The following COBLL1 variants were observed in gnomAD, a reference collection of about 807,000 sequenced individuals.
The protein encoded by COBLL1 is cordon-bleu WH2 repeat protein like 1.
In COBLL1, 50 loss-of-function variants were observed where a neutral mutation model predicts 94.8. The ratio of observed to expected loss-of-function variants is 0.53; its 90% confidence interval spans 0.42 to 0.67. The LOEUF (loss-of-function observed/expected upper bound fraction) is 0.67. Ranked by LOEUF, COBLL1 falls within the 30% of genes least tolerant of loss-of-function variation. COBLL1 has a pLI of 0.00. For missense variants in COBLL1, 1,362 were observed against 1,348.7 expected, an observed-to-expected ratio of 1.01 and a Z score of -0.15; for synonymous variants, 448 against 473.8, an observed-to-expected ratio of 0.95 and a Z score of 0.71.
At chr2:164,733,204 T>C (rs77960253) in intron 3 of COBLL1, among the ~76,000 whole-genome samples, 3,699 of 152,376 alleles carry the variant, frequency 0.024, 64 homozygotes, top group East Asian at 0.051. Flanking sequence ...AAGAACAATT[T>C]GATTCCTTGT....
intron 2 of COBLL1, among the ~76,000 whole-genome samples, chr2:164,752,391 A>C (rs1315057087): frequency 6.6e-6 from 1 of 151,276 alleles, no homozygotes; most frequent in African/African-American, 2.4e-5. Context: ...ACATTACATC[A>C]TTTCTTTGAG....
chr2:164,658,912 T>G (rs1558899702), intron 2 of COBLL1, among the ~76,000 whole-genome samples: 1 of 152,138 alleles, frequency 6.6e-6, no homozygotes, highest in Non-Finnish European at 1.5e-5. Context: ...GTGGCTCTTT[T>G]GGCTTCAATA....
At chr2:164,773,715 C>A in intron 2 of COBLL1, 1 of 1,278,222 alleles carries the variant, frequency 7.8e-7, no homozygotes, top group Admixed American at 2.4e-5. Flanking sequence ...ACAACTGTTC[C>A]AGAAAGTCTC....
Position 164,681,339 on chromosome 2 carries a change from G to A in COBLL1, c.*4607C>T, listed in dbSNP as rs1457098142. 1 of 152,102 alleles carries A rather than the reference G, an allele frequency of 6.6e-6. No individual in the cohort carries two copies. The highest frequency in any genetic ancestry group is 1.5e-5 in the Non-Finnish European group (1 of 68,030). 9.4% of individuals were successfully genotyped at this position (152,102 alleles called of 1,614,324 possible). On this transcript the variant is annotated 3_prime_UTR_variant, in exon 14 of 14. Transcript: ENST00000652658. ...ATCCTTTTCTTAGGACCATTCAGCT[G>A]TTTCAGAGATGTCTTTCTCACAGCA...
intron 9 of COBLL1, among the ~76,000 whole-genome samples, chr2:164,703,837 T>C (rs1684444483): frequency 6.6e-6 from 1 of 152,204 alleles, no homozygotes; most frequent in Non-Finnish European, 1.5e-5. Flanking sequence ...CTCTAAAGAT[T>C]AAAACATTTT....
chr2:164,700,648 G>T lies in COBLL1; in HGVS notation c.1334C>A (p.Pro445His), dbSNP rs1344096983. The T allele has an allele frequency of 6.2e-7, 1 of 1,612,884 alleles. No homozygotes were observed. The highest frequency in any genetic ancestry group is 1.7e-5 in the Admixed American group (1 of 60,008). Reference protein sequence around the residue: ...ENISPKSQDIPFVSTDIINTL... With the variant: ...ENISPKSQDIHFVSTDIINTL... The stretch of plus-strand genomic sequence containing the variant: ...ATTTATTATATCAGTAGATACAAAA[G>T]GAATATCTTGTGACTTCGGAGAAAT... The change falls in exon 10 of 14, where the codon CCT (proline) becomes CAT (histidine). Residue 445 changes from proline (P) to histidine (H), a missense_variant. Pro to His is a moderately conservative substitution (Grantham distance 77). Coordinates refer to ENST00000652658, the MANE Select transcript of COBLL1 (RefSeq NM_001365672.2).
chr2:164,773,036 A>G (rs762673650), intron 2 of COBLL1, among the ~76,000 whole-genome samples: 20 of 91,756 alleles, frequency 2.2e-4, no homozygotes, highest in Non-Finnish European at 4.1e-4. Context: ...TTATTTTTTA[A>G]TTTAATGCAG....
chr2:164,734,563 T>C (rs1686198342), intron 3 of COBLL1, among the ~76,000 whole-genome samples: 1 of 152,186 alleles, frequency 6.6e-6, no homozygotes, highest in African/African-American at 2.4e-5. Flanking sequence ...GTATTCAAAA[T>C]AGCCTGGAGG....
rs1685796040 is a variant in COBLL1, at chr2:164,727,964, C to T, written c.661+5G>A. ...CTAAATAAATAAAATAAAAGTCTTA[C>T]TTACCTCTGTTGACATCCATCGCAT... On this transcript the variant is annotated splice_donor_5th_base_variant and intron_variant, in intron 5 of 13. Transcript: ENST00000652658. 2.6e-6 allele frequency: 4 copies of T among 1,565,254 alleles called. No individual in the cohort carries two copies. Among genetic ancestry groups the T allele is most frequent in the African/African-American group, 2.7e-5 (2 of 73,806 alleles).
intron 4 of COBLL1, among the ~76,000 whole-genome samples, chr2:164,728,695 GCAGACTTC>G (rs1685838225): frequency 6.6e-6 from 1 of 151,920 alleles, no homozygotes; most frequent in African/African-American, 2.4e-5. Context: ...GAAAAGCTTA[GCAGACTTC>G]CTGGCACATA....
In COBLL1 at chr2:164,841,318, C is replaced by A; in HGVS notation, c.-50-72G>T. 8.3e-7 allele frequency: 1 copy of A among 1,210,422 alleles called. No homozygotes were observed. The highest frequency in any genetic ancestry group is 1.6e-5 in the African/African-American group (1 of 63,526). The allele number at this position is 1,210,422 out of a possible 1,614,324, so 75.0% of individuals were successfully genotyped here. A position where few individuals can be genotyped will look rare whatever the true frequency, so the allele number is the denominator to read the frequency against. On this transcript the variant is annotated intron_variant, in intron 1 of 13. Transcript: ENST00000652658. The surrounding 1 kb of genome is among the most constrained non-coding windows in gnomAD (Gnocchi z 5.5). ...CGAGGCCGGAGCGAAGCTGGCTGAGCGTCAAGAGCCCGCCCGAGCCGCTCC... is the reference window on the plus strand; with the variant it reads ...CGAGGCCGGAGCGAAGCTGGCTGAGAGTCAAGAGCCCGCCCGAGCCGCTCC...
intron 7 of COBLL1, 128 bp from the exon 8 acceptor site, chr2:164,705,233 G>A (rs764216023): frequency 2.6e-5 from 16 of 622,952 alleles, no homozygotes; most frequent in African/African-American, 5.7e-5. Flanking sequence ...CCTTAAAAAC[G>A]TTTATGAAGC....
intron 2 of COBLL1, among the ~76,000 whole-genome samples, chr2:164,820,126 G>GC (rs111341770): frequency 1 from 151,865 of 151,872 alleles, 75,929 homozygotes; most frequent in Middle Eastern, 1. Flanking sequence ...GGGCCACCGT[G>GC]CCAGCCACCA....
chr2:164,715,410 GA>G (rs1367653355), intron 7 of COBLL1, among the ~76,000 whole-genome samples: 2 of 151,814 alleles, frequency 1.3e-5, no homozygotes, highest in Non-Finnish European at 2.9e-5. Context: ...AAATGGAGGG[GA>G]AAATAAAATA....
intron 2 of COBLL1, among the ~76,000 whole-genome samples, chr2:164,799,019 C>CAAAAA (rs555113117): frequency 0.026 from 1,817 of 69,552 alleles, 165 homozygotes; most frequent in African/African-American, 0.094. Flanking sequence ...GACTCCGTCT[C>CAAAAA]AAAAAAAAAA....
chr2:164,770,064 A>C (rs1277074022), intron 2 of COBLL1, among the ~76,000 whole-genome samples: 2 of 152,200 alleles, frequency 1.3e-5, no homozygotes, highest in African/African-American at 2.4e-5. Flanking sequence ...AATTATTACC[A>C]CAACACTGTG....
chr2:164,668,210 C>A (rs993416402), intron 1 of COBLL1, among the ~76,000 whole-genome samples: 1 of 152,086 alleles, frequency 6.6e-6, no homozygotes, highest in Non-Finnish European at 1.5e-5. Flanking sequence ...GTGATCTACC[C>A]GCCTTGGCCT....
In COBLL1 at chr2:164,687,922, G is replaced by A; in HGVS notation, c.3301-1890C>T. On this transcript the variant is annotated intron_variant, in intron 13 of 13. Coordinates refer to ENST00000652658, the MANE Select transcript of COBLL1 (RefSeq NM_001365672.2). ...TTAGGCATTTAGAAAACGTATCGATGGCTCTAAATGTCTCCACGTAAAATA... is the reference window on the plus strand; with the variant it reads ...TTAGGCATTTAGAAAACGTATCGATAGCTCTAAATGTCTCCACGTAAAATA... 5 of 228,142 alleles carry A rather than the reference G, an allele frequency of 2.2e-5. No individual in the cohort carries two copies. The South Asian group carries it at 3.8e-4, about 17-fold the overall frequency. 14.1% of individuals were successfully genotyped at this position (228,142 alleles called of 1,614,324 possible).
chr2:164,780,440 C>CTT (rs770166761), intron 2 of COBLL1, among the ~76,000 whole-genome samples: 2 of 151,104 alleles, frequency 1.3e-5, no homozygotes, highest in African/African-American at 4.9e-5. Flanking sequence ...GACATATGTT[C>CTT]TTTTTTTTTA....
Sources: gnomAD v4.1 joint callset for allele counts (sites outside exome capture counted in the v4.1 genomes callset) on GRCh38, gnomAD v4.1.1 for gene constraint, Gnocchi (gnomAD v3.1) non-coding constraint, MANE v1.5 for transcripts, NCBI Gene and HGNC (gene_info 2026-07-23, HGNC 2026-07-21) for gene names.